Variants in ESRRG observed in about 807,000 individuals in gnomAD.
ESRRG encodes the protein estrogen related receptor gamma.
A neutral mutation model predicts 44.0 loss-of-function variants in ESRRG; 13 were observed. That is an observed-to-expected ratio of 0.30 (90% CI 0.19 to 0.47). The LOEUF (loss-of-function observed/expected upper bound fraction) is 0.47. ESRRG is among the 20% of genes least tolerant of loss of function. ESRRG has a pLI of 1.00. For synonymous variants in ESRRG, 215 were observed against 214.6 expected, an observed-to-expected ratio of 1.00 and a Z score of -0.02; for missense variants, 395 against 580.6, an observed-to-expected ratio of 0.68 and a Z score of 3.29.
At position 217,118,068 on chromosome 1, in the gene ESRRG, GT is replaced by G. The variant is rs533315581; in HGVS notation, c.-230+19598del. ...TAGTACTTACTATGAGCCAGAGCCT[GT>G]TCTAAGCATTTTACTGATAATAACA... On this transcript the variant is annotated intron_variant, in intron 1 of 8. Transcript: ENST00000366940. Among the ~76,000 whole-genome samples the G allele has an allele frequency of 2.6e-5, 4 of 152,244 alleles. No homozygotes were observed. In the South Asian group the frequency reaches 8.3e-4, roughly 32 times the overall value.
intron 5 of ESRRG, among the ~76,000 whole-genome samples, chr1:216,558,352 G>GA (rs2058018994): frequency 6.6e-6 from 1 of 152,122 alleles, no homozygotes. Flanking sequence ...AAAGAGGCTG[G>GA]ACTAAATCGT....
At chr1:217,012,605 G>A (rs1181059666) in intron 1 of ESRRG, among the ~76,000 whole-genome samples, 1 of 152,180 alleles carries the variant, frequency 6.6e-6, no homozygotes, top group Non-Finnish European at 1.5e-5. Context: ...AAATTACAGA[G>A]TACAAGAACA....
intron 1 of ESRRG, among the ~76,000 whole-genome samples, chr1:216,972,561 C>T (rs563109437): frequency 6.6e-6 from 1 of 152,292 alleles, no homozygotes; most frequent in East Asian, 1.9e-4. Context: ...CACATTGACT[C>T]TGCTCATCAA....
intron 1 of ESRRG, among the ~76,000 whole-genome samples, chr1:216,940,661 G>A (rs2065066529): frequency 6.6e-6 from 1 of 152,200 alleles, no homozygotes; most frequent in South Asian, 2.1e-4. Context: ...ACTTTGGGGA[G>A]TGAACACCTC....
chr1:216,955,209 T>C (rs1352871073), intron 1 of ESRRG, among the ~76,000 whole-genome samples: 1 of 152,000 alleles, frequency 6.6e-6, no homozygotes, highest in Non-Finnish European at 1.5e-5. Context: ...CACCTACCCC[T>C]CCCAGCCTCT....
intron 2 of ESRRG, among the ~76,000 whole-genome samples, chr1:216,671,389 A>T (rs2075145128): frequency 6.6e-6 from 1 of 152,178 alleles, no homozygotes; most frequent in African/African-American, 2.4e-5. Flanking sequence ...GATCATAGCT[A>T]AAGGGTGGAG....
At chr1:216,560,668 T>C (rs143455499) in intron 5 of ESRRG, among the ~76,000 whole-genome samples, 19 of 152,266 alleles carry the variant, frequency 1.2e-4, no homozygotes, top group African/African-American at 4.3e-4. Context: ...CTCTAATATT[T>C]GACAGAGCCT....
At chr1:216,669,113 C>A (rs12078164) in intron 2 of ESRRG, among the ~76,000 whole-genome samples, 2,467 of 143,444 alleles carry the variant, frequency 0.017, 56 homozygotes, top group African/African-American at 0.057. Context: ...AAAAAAAAAA[C>A]AAAACAAAGA....
At chr1:216,733,237 A>T (rs934937018) in intron 2 of ESRRG, among the ~76,000 whole-genome samples, 4 of 149,346 alleles carry the variant, frequency 2.7e-5, no homozygotes, top group African/African-American at 9.9e-5. Flanking sequence ...GCTAGCCTGC[A>T]GTATAAGGGC....
chr1:216,601,823 G>T (rs922003766), intron 3 of ESRRG, among the ~76,000 whole-genome samples: 18 of 152,138 alleles, frequency 1.2e-4, no homozygotes, highest in African/African-American at 4.3e-4. Context: ...ATTATTATTG[G>T]TTATCTGCCA....
chr1:216,975,392 C>T (rs1175745583), intron 1 of ESRRG, among the ~76,000 whole-genome samples: 1 of 152,208 alleles, frequency 6.6e-6, no homozygotes. Context: ...GTAAAACCAG[C>T]ATCCAAAGAA....
chr1:217,118,048 C>G (rs2092760462), intron 1 of ESRRG, among the ~76,000 whole-genome samples: 2 of 152,272 alleles, frequency 1.3e-5, no homozygotes, highest in South Asian at 2.1e-4. Flanking sequence ...TTATTTAGTA[C>G]TTACTATGAG....
intron 2 of ESRRG, among the ~76,000 whole-genome samples, chr1:216,926,714 G>A (rs2062633600): frequency 6.6e-6 from 1 of 152,202 alleles, no homozygotes; most frequent in African/African-American, 2.4e-5. Flanking sequence ...GCTGAGGACA[G>A]TAGCTCAAGA....
intron 6 of ESRRG, among the ~76,000 whole-genome samples, chr1:216,513,054 C>G (rs1401636152): frequency 6.6e-6 from 1 of 152,050 alleles, no homozygotes; most frequent in East Asian, 1.9e-4. Context: ...TGAAACTGAT[C>G]GACGTTTGAC....
At chr1:216,686,256 C>G (rs902279334) in intron 1 of ESRRG, 4 of 151,890 alleles carry the variant, frequency 2.6e-5, no homozygotes, top group African/African-American at 7.3e-5. Context: ...CCTAAAAATT[C>G]CTCCTCTATC....
chr1:217,065,832 C>T (rs2089553684), intron 1 of ESRRG, among the ~76,000 whole-genome samples: 1 of 152,160 alleles, frequency 6.6e-6, no homozygotes, highest in Non-Finnish European at 1.5e-5. Flanking sequence ...CAGAGAAGCA[C>T]TTTTGCAATA....
rs115089570 is a variant in ESRRG at position 216,868,829 on chromosome 1, G to A, written c.-14+70753C>T. On this transcript the variant is annotated intron_variant, in intron 2 of 7. Coordinates refer to the ESRRG transcript ENST00000359162. ...TTCCTCATAACTAATGGCATTGAACGTCCTTTCATGTGTTTATATGCATTT... is the reference window on the plus strand; with the variant it reads ...TTCCTCATAACTAATGGCATTGAACATCCTTTCATGTGTTTATATGCATTT... 9.7e-3 allele frequency among the ~76,000 whole-genome samples: 1,479 copies of A among 152,146 alleles called. 22 individuals carry two copies. The highest frequency in any genetic ancestry group is 0.034 in the African/African-American group (1,406 of 41,498).
At chr1:216,677,610 A>C in intron 1 of ESRRG, 119 bp from the exon 2 acceptor site, 3 of 876,490 alleles carry the variant, frequency 3.4e-6, no homozygotes, top group Non-Finnish European at 5.1e-6. Context: ...GGAAAGGTAA[A>C]AGGAGGAAAA....
chr1:216,545,620 A>G (rs1209417352), intron 5 of ESRRG, among the ~76,000 whole-genome samples: 1 of 152,094 alleles, frequency 6.6e-6, no homozygotes. Flanking sequence ...TATTCAAATA[A>G]TAAGAAATTG....
Sources: allele counts gnomAD v4.1 joint callset (sites outside exome capture counted in the v4.1 genomes callset), GRCh38; gene constraint gnomAD v4.1.1; transcripts MANE v1.5; gene names NCBI Gene and HGNC (gene_info 2026-07-23, HGNC 2026-07-21).